FAT4: variants seen among roughly 807,000 people sequenced by gnomAD.
FAT4 encodes the protein FAT atypical cadherin 4, also known as protocadherin Fat 4.
Under a neutral mutation model 303.9 loss-of-function variants are expected in FAT4, and 84 were observed. That is an observed-to-expected ratio of 0.28 (90% CI 0.23 to 0.33). The LOEUF (loss-of-function observed/expected upper bound fraction) is 0.33, where lower values mean the gene tolerates loss of function less well. FAT4 is among the 10% of genes least tolerant of loss of function. The probability of loss-of-function intolerance (pLI) is 1.00; values close to 1 mark genes in which losing one functional copy is unlikely to be tolerated. For missense variants in FAT4, 6,005 were observed against 6,146.8 expected (o/e 0.98, Z 0.77); for synonymous variants, 2,307 against 2,298.8 (o/e 1.00, Z -0.10).
chr4:125,398,786 A>C lies in FAT4; in HGVS notation c.5178A>C (p.Val1726=). The change falls in exon 3 of 18, where the codon GTA becomes GTC. Residue 1726 remains valine, a splice_region_variant and synonymous_variant. Coordinates refer to ENST00000394329, the MANE Select transcript of FAT4 (RefSeq NM_001291303.3). ...CATTGTTTCCTTTTTCTTTGTAGGT[A>C]GAAATAACACTTCAGGATATCAATG... ...TAFPRTQRAE[V]EITLQDINDN... 2 of 1,612,816 alleles carry C rather than the reference A, an allele frequency of 1.2e-6. No individual in the cohort carries two copies. Among genetic ancestry groups the C allele is most frequent in the Non-Finnish European group, 1.7e-6 (2 of 1,179,134 alleles).
intron 3 of FAT4, among the ~76,000 whole-genome samples, chr4:125,403,098 A>G (rs1391482733): frequency 1.3e-5 from 2 of 152,120 alleles, no homozygotes; most frequent in Non-Finnish European, 2.9e-5. Context: ...TCTTATAAGA[A>G]AATAGTAAGA....
At chr4:125,376,504 C>T (rs909832293) in intron 2 of FAT4, among the ~76,000 whole-genome samples, 21 of 151,996 alleles carry the variant, frequency 1.4e-4, no homozygotes, top group Admixed American at 6.5e-5. Flanking sequence ...ATGTAAATGA[C>T]GAGTTAATGG....
chr4:125,412,482 T>A (rs1162458077), intron 5 of FAT4, among the ~76,000 whole-genome samples: 1 of 151,916 alleles, frequency 6.6e-6, no homozygotes, highest in Non-Finnish European at 1.5e-5. Flanking sequence ...TGTATTTGAA[T>A]ATAAAAGCAA....
rs143638186 is a variant in FAT4, at chr4:125,355,889, A to G, written c.5175+34303A>G. Among the ~76,000 whole-genome samples, 743 of 151,766 alleles carry G rather than the reference A, an allele frequency of 4.9e-3. 28 individuals are homozygous for G. In the South Asian group the frequency reaches 0.069, roughly 14 times the overall value. ...AAGCCATATTGTCTCTTCCTTCCCCAGATATTCTTACATTAGAGGATTTTT... is the reference window on the plus strand; with the variant it reads ...AAGCCATATTGTCTCTTCCTTCCCCGGATATTCTTACATTAGAGGATTTTT... On this transcript the variant is annotated intron_variant, in intron 2 of 17. Transcript: ENST00000394329.
chr4:125,429,366 G>A (rs1725205280), intron 7 of FAT4, among the ~76,000 whole-genome samples: 2 of 152,058 alleles, frequency 1.3e-5, no homozygotes, highest in South Asian at 4.1e-4. Flanking sequence ...AATTATTCCT[G>A]TTTTCAATTA....
At chr4:125,355,566 AAT>A (rs2125981300) in intron 2 of FAT4, among the ~76,000 whole-genome samples, 1 of 152,168 alleles carries the variant, frequency 6.6e-6, no homozygotes, top group East Asian at 1.9e-4. Context: ...CTTATCTGTG[AAT>A]GAGGAAACAC....
chr4:125,397,709 T>G (rs925245), intron 2 of FAT4, among the ~76,000 whole-genome samples: 144,625 of 152,108 alleles, frequency 0.95, 69,158 homozygotes, highest in East Asian at 1. Flanking sequence ...CCTTTTCAGA[T>G]AATGATGACA....
intron 2 of FAT4, among the ~76,000 whole-genome samples, chr4:125,375,728 A>T (rs757594427): frequency 2.6e-5 from 4 of 152,196 alleles, no homozygotes; most frequent in Non-Finnish European, 5.9e-5. Context: ...TAAGGAATTA[A>T]TTTCTGCTTT....
In FAT4 at chr4:125,490,841, T is replaced by A. The variant is rs1242027238; in HGVS notation, c.14025T>A (p.Thr4675=). 6.2e-7 allele frequency: 1 copy of A among 1,614,160 alleles called. No individual in the cohort carries two copies. The highest frequency in any genetic ancestry group is 8.5e-7 in the Non-Finnish European group (1 of 1,180,024). Residue 4675 remains threonine, a synonymous_variant, in exon 18 of 18, where the codon ACT becomes ACA. Transcript: ENST00000394329. ...SPMPLGASSL[T]YQPSYGQGLR... is the part of the protein sequence containing the mutation. The stretch of plus-strand genomic sequence containing the variant: ...TGCCCTTAGGAGCAAGCAGTTTGAC[T>A]TACCAGCCTTCATATGGTCAAGGTT...
intron 8 of FAT4, 98 bp downstream of exon 8, chr4:125,434,523 T>C (rs1725390556): frequency 9.9e-7 from 1 of 1,013,204 alleles, no homozygotes; most frequent in South Asian, 1.4e-5. Context: ...GAACGTCATA[T>C]TAACACATAT....
intron 16 of FAT4, among the ~76,000 whole-genome samples, chr4:125,484,723 A>T (rs1348653583): frequency 6.6e-6 from 1 of 152,148 alleles, no homozygotes; most frequent in Non-Finnish European, 1.5e-5. Context: ...CTGTGCTATA[A>T]ACCTGTATGG....
intron 2 of FAT4, among the ~76,000 whole-genome samples, chr4:125,371,012 G>A (rs1416807154): frequency 6.6e-6 from 1 of 151,978 alleles, no homozygotes; most frequent in Non-Finnish European, 1.5e-5. Context: ...GCCAGGCCTG[G>A]TGGTGCATGC....
chr4:125,449,196 G>A lies in FAT4; in HGVS notation c.8186G>A (p.Ser2729Asn), dbSNP rs1371318316. ...AATCATGCTACTGGTGAAATTAGAA[G>A]CGTTAGACCTTTGGACAGGGAAAAA... ...SINHATGEIR[S>N]VRPLDREKVS... Residue 2729 changes from serine (S) to asparagine (N), a missense_variant, in exon 10 of 18, where the codon AGC (serine) becomes AAC (asparagine). Physicochemically the swap from Ser to Asn is conservative, Grantham distance 46 (BLOSUM62 1). Transcript: ENST00000394329. The A allele has an allele frequency of 6.2e-7, 1 of 1,613,838 alleles. No individual in the cohort carries two copies. Among genetic ancestry groups the A allele is most frequent in the East Asian group, 2.2e-5 (1 of 44,876 alleles).
At chr4:125,376,542 T>C (rs1202192005) in intron 2 of FAT4, among the ~76,000 whole-genome samples, 1 of 152,166 alleles carries the variant, frequency 6.6e-6, no homozygotes, top group Non-Finnish European at 1.5e-5. Context: ...GGCATATGTA[T>C]ACATATGTAA....
At chr4:125,401,434 C>T (rs1734383967) in intron 3 of FAT4, among the ~76,000 whole-genome samples, 1 of 151,854 alleles carries the variant, frequency 6.6e-6, no homozygotes. Context: ...CTTTTCAAAT[C>T]CTGGCTCTGT....
chr4:125,395,594 C>T (rs937303005), intron 2 of FAT4, among the ~76,000 whole-genome samples: 1 of 152,134 alleles, frequency 6.6e-6, no homozygotes, highest in Non-Finnish European at 1.5e-5. Context: ...GTTGGGATTA[C>T]AGGTGTGAAC....
At chr4:125,371,946 C>T (rs954488356) in intron 2 of FAT4, among the ~76,000 whole-genome samples, 4 of 152,004 alleles carry the variant, frequency 2.6e-5, no homozygotes, top group East Asian at 1.9e-4. Context: ...TGTTGGCTAG[C>T]GTGTCTGCAG....
Position 125,415,040 on chromosome 4 carries a change from T to A in FAT4, c.6077T>A (p.Ile2026Asn). ...LVVQVHDLPQ[I>N]PASRFTSTAQ... ...GTTCAAGTGCATGACCTGCCACAGA[T>A]TCCAGCCTCCAGATTCACAAGCACT... is the stretch of plus-strand genomic sequence containing the variant. The change falls in exon 6 of 18, where the codon ATT becomes AAT. Residue 2026 changes from isoleucine to asparagine, a missense_variant. By Grantham distance (149) the Ile-to-Asn change is moderately radical (BLOSUM62 -3). Coordinates refer to ENST00000394329, the MANE Select transcript of FAT4 (RefSeq NM_001291303.3). 6.2e-7 allele frequency: 1 copy of A among 1,614,072 alleles called. No individual in the cohort carries two copies. The highest frequency in any genetic ancestry group is 1.3e-5 in the African/African-American group (1 of 75,042).
rs149373164 is a variant in FAT4, at chr4:125,414,906, T to C, written c.5943T>C (p.Tyr1981=). ...ADDGINSQLT[Y]SIASGDSLGQ... ...CAGGCATCAACTCTCAATTGACTTA[T>C]AGCATTGCTTCAGGTGATAGCCTTG... The change falls in exon 6 of 18, where the codon TAT becomes TAC. Residue 1981 remains tyrosine (Y), a synonymous_variant. Coordinates refer to ENST00000394329, the MANE Select transcript of FAT4 (RefSeq NM_001291303.3). The C allele has an allele frequency of 3.2e-5, 52 of 1,601,908 alleles. No individual in the cohort carries two copies. The highest frequency in any genetic ancestry group is 4.0e-5 in the African/African-American group (3 of 74,624).
Sources: gnomAD v4.1 joint callset for allele counts (sites outside exome capture counted in the v4.1 genomes callset) on GRCh38, gnomAD v4.1.1 for gene constraint, MANE v1.5 for transcripts, NCBI Gene and HGNC (gene_info 2026-07-23, HGNC 2026-07-21) for gene names.